PPP2R5E: variants seen among roughly 807,000 people sequenced by gnomAD.
The protein encoded by PPP2R5E is protein phosphatase 2 regulatory subunit B'epsilon, also known as serine/threonine-protein phosphatase 2A 56 kDa regulatory subunit epsilon isoform.
Under a neutral mutation model 65.3 loss-of-function variants are expected in PPP2R5E, and 4 were observed. The observed-to-expected ratio is 0.06, with a 90% confidence interval of 0.03 to 0.14. PPP2R5E has a LOEUF of 0.14. Ranked by LOEUF, PPP2R5E falls within the 10% of genes least tolerant of loss-of-function variation. The probability of loss-of-function intolerance (pLI) is 1.00; values close to 1 mark genes in which losing one functional copy is unlikely to be tolerated. For missense variants in PPP2R5E, 274 were observed against 556.1 expected (o/e 0.49, Z 5.10); for synonymous variants, 183 against 187.4 (o/e 0.98, Z 0.19).
Position 63,375,544 on chromosome 14 carries a change from GGAT to G in PPP2R5E, c.*462_*464del, listed in dbSNP as rs1385592955. 6.5e-6 allele frequency: 1 copy of G among 152,708 alleles called. No homozygotes were observed. Among genetic ancestry groups the G allele is most frequent in the Admixed American group, 6.5e-5 (1 of 15,278 alleles). 9.5% of individuals were successfully genotyped at this position (152,708 alleles called of 1,614,324 possible). A position where few individuals can be genotyped will look rare whatever the true frequency, so the allele number is the denominator to read the frequency against. ...AATTACAGTCAAGTTATCCAGAGGA[GGAT>G]GTTACACAAACTTATAAGGAAATGA... is the stretch of plus-strand genomic sequence containing the variant. On this transcript the variant is annotated 3_prime_UTR_variant, in exon 14 of 14. Transcript: ENST00000337537.
chr14:63,406,366 G>C lies in PPP2R5E; in HGVS notation c.549+8774C>G, dbSNP rs532358859. ...GCGGAGGTTGCCGTGAGCCGAGATC[G>C]AGCCACTGCAATCCAGCCTGGGTGA... On this transcript the variant is annotated intron_variant, in intron 5 of 13. Coordinates refer to ENST00000337537, the MANE Select transcript of PPP2R5E (RefSeq NM_006246.5). 6.0e-5 allele frequency among the ~76,000 whole-genome samples: 9 copies of C among 148,860 alleles called. 1 individual carries two copies. Among genetic ancestry groups the C allele is most frequent in the Middle Eastern group, 3.5e-3 (1 of 286 alleles).
intron 4 of PPP2R5E, among the ~76,000 whole-genome samples, chr14:63,419,110 G>A (rs1886866615): frequency 6.6e-6 from 1 of 152,134 alleles, no homozygotes; most frequent in Non-Finnish European, 1.5e-5. Flanking sequence ...GCCTTCCAAA[G>A]TGTTAGTATT....
chr14:63,496,629 T>A (rs1411645522), intron 2 of PPP2R5E, among the ~76,000 whole-genome samples: 1 of 152,120 alleles, frequency 6.6e-6, no homozygotes, highest in East Asian at 1.9e-4. Context: ...AAGTGCTTAA[T>A]AAACATGTAA....
At chr14:63,488,795 G>C (rs1039825167) in intron 2 of PPP2R5E, among the ~76,000 whole-genome samples, 4 of 151,874 alleles carry the variant, frequency 2.6e-5, no homozygotes, top group Non-Finnish European at 5.9e-5. Flanking sequence ...GTTACAGAGA[G>C]CCAAGATCGC....
chr14:63,501,568 T>G lies in PPP2R5E; in HGVS notation c.157+37961A>C, dbSNP rs975377914. On this transcript the variant is annotated intron_variant, in intron 2 of 13. Transcript: ENST00000337537. The stretch of plus-strand genomic sequence containing the variant: ...TGGAGAGAGAAGGTAGCGAGAGGAA[T>G]GAGGAGTGACTGCTAATGGGCACAG... Among the ~76,000 whole-genome samples the G allele has an allele frequency of 3.9e-5, 6 of 152,054 alleles. No individual in the cohort carries two copies. The South Asian group carries it at 8.3e-4, about 21-fold the overall frequency.
At chr14:63,412,435 G>A (rs968173449) in intron 5 of PPP2R5E, among the ~76,000 whole-genome samples, 11 of 152,226 alleles carry the variant, frequency 7.2e-5, no homozygotes, top group Non-Finnish European at 1.6e-4. Flanking sequence ...ACAAGGGAAT[G>A]AAAAAGCCAA....
At chr14:63,459,367 A>G (rs1356871914) in intron 2 of PPP2R5E, among the ~76,000 whole-genome samples, 7 of 152,212 alleles carry the variant, frequency 4.6e-5, no homozygotes, top group African/African-American at 7.2e-5. Context: ...CTAAGCTTCC[A>G]TTACAGGAAT....
intron 2 of PPP2R5E, among the ~76,000 whole-genome samples, chr14:63,463,652 A>G (rs1889620129): frequency 6.7e-6 from 1 of 150,142 alleles, no homozygotes; most frequent in Non-Finnish European, 1.5e-5. Flanking sequence ...GCTGCAGTGC[A>G]GTGGCACGAT....
intron 2 of PPP2R5E, among the ~76,000 whole-genome samples, chr14:63,537,297 A>AC (rs1893701932): frequency 6.6e-6 from 1 of 151,938 alleles, no homozygotes; most frequent in Admixed American, 6.6e-5. Flanking sequence ...AGAAGTTAAC[A>AC]CCCATTACAT....
chr14:63,542,413 C>T (rs1243965999), intron 1 of PPP2R5E, among the ~76,000 whole-genome samples: 1 of 152,062 alleles, frequency 6.6e-6, no homozygotes, highest in East Asian at 1.9e-4. Context: ...TGCTTACATA[C>T]TCCCTTTGCT....
chr14:63,380,348 A>C (rs1884274109), intron 13 of PPP2R5E, among the ~76,000 whole-genome samples: 1 of 152,102 alleles, frequency 6.6e-6, no homozygotes, highest in Non-Finnish European at 1.5e-5. Context: ...AATTTGCAAC[A>C]ATCGCTAATA....
intron 5 of PPP2R5E, among the ~76,000 whole-genome samples, chr14:63,398,414 G>C (rs1594829193): frequency 6.6e-6 from 1 of 152,310 alleles, no homozygotes; most frequent in East Asian, 1.9e-4. Context: ...ATAGAATTAA[G>C]AGCCCAAAAG....
intron 2 of PPP2R5E, among the ~76,000 whole-genome samples, chr14:63,513,494 A>C (rs895409459): frequency 1.3e-5 from 2 of 152,176 alleles, no homozygotes; most frequent in African/African-American, 4.8e-5. Context: ...TTACCTCTTA[A>C]TTATACACAC....
At chr14:63,499,785 AC>A (rs1340160958) in intron 2 of PPP2R5E, among the ~76,000 whole-genome samples, 1 of 152,038 alleles carries the variant, frequency 6.6e-6, no homozygotes, top group African/African-American at 2.4e-5. Flanking sequence ...GCCCCAAGAG[AC>A]CATCTATTCT....
chr14:63,484,854 A>ATT, intron 2 of PPP2R5E, among the ~76,000 whole-genome samples: 1 of 152,236 alleles, frequency 6.6e-6, no homozygotes, highest in Non-Finnish European at 1.5e-5. Context: ...AGTATCTTGT[A>ATT]AATTTACAGG....
intron 3 of PPP2R5E, among the ~76,000 whole-genome samples, chr14:63,431,381 C>G (rs538487982): frequency 8.0e-4 from 121 of 152,160 alleles, no homozygotes; most frequent in Admixed American, 7.9e-3. Context: ...GCTTTATTGC[C>G]TAACACATTA....
rs556358012 is a variant in PPP2R5E at position 63,438,193 on chromosome 14, T to C, written c.354+15496A>G. On this transcript the variant is annotated intron_variant, in intron 3 of 13. Transcript: ENST00000337537. ...CACTCCTGTCTCTGTGAATTCCACA[T>C]TGAGGACACTCATTTTCTCAGCTTT... Among the ~76,000 whole-genome samples the C allele has an allele frequency of 3.3e-5, 5 of 152,350 alleles. No homozygotes were observed. In the East Asian group the frequency reaches 5.8e-4, roughly 18 times the overall value.
At chr14:63,450,224 CAG>C (rs771978671) in intron 3 of PPP2R5E, among the ~76,000 whole-genome samples, 7 of 152,130 alleles carry the variant, frequency 4.6e-5, no homozygotes, top group Admixed American at 6.6e-5. Flanking sequence ...GTAAATGCTC[CAG>C]AGTGTCTAAG....
chr14:63,413,602 G>A (rs188720543), intron 5 of PPP2R5E, among the ~76,000 whole-genome samples: 2 of 152,244 alleles, frequency 1.3e-5, no homozygotes, highest in African/African-American at 4.8e-5. Context: ...CAAGACTGTT[G>A]TACAAATCAA....
Sources: gnomAD v4.1 joint callset for allele counts (sites outside exome capture counted in the v4.1 genomes callset) on GRCh38, gnomAD v4.1.1 for gene constraint, MANE v1.5 for transcripts, NCBI Gene and HGNC (gene_info 2026-07-23, HGNC 2026-07-21) for gene names.